Variants in HPD observed in about 807,000 individuals in gnomAD.
HPD encodes 4-hydroxyphenylpyruvate dioxygenase, also known as 4-hydroxyphenylpyruvic acid oxidase.
In HPD, 35 loss-of-function variants were observed where a neutral mutation model predicts 56.9. The observed-to-expected ratio is 0.62, with a 90% CI of 0.47 to 0.82. The LOEUF is 0.82. Among genes scored for constraint, HPD ranks in the 40% least tolerant of loss-of-function variants. The pLI is 0.00. For synonymous variants in HPD, 186 were observed against 200.2 expected (o/e 0.93, Z 0.60); for missense variants, 442 against 506.8 (o/e 0.87, Z 1.23).
At chr12:121,884,787 T>G in the HPD span, among the ~76,000 whole-genome samples, 2 of 152,274 alleles carry the variant, frequency 1.3e-5, no homozygotes, top group South Asian at 4.1e-4. Flanking sequence ...ATTATTTACA[T>G]TTTGTAAATG....
intron 8 of HPD, 123 bp from the exon 9 acceptor site, chr12:121,849,199 G>T: frequency 1.5e-6 from 1 of 679,902 alleles, no homozygotes; most frequent in South Asian, 1.6e-5. Flanking sequence ...TTTTTGTAGA[G>T]ATGGAGTCTC....
chr12:121,885,134 A>AC, the HPD span, among the ~76,000 whole-genome samples: 1 of 150,180 alleles, frequency 6.7e-6, no homozygotes, highest in African/African-American at 2.5e-5. Context: ...CAAGTGATCC[A>AC]CCCCCCTCAG....
At chr12:121,843,885 T>C (rs1592915954) in intron 11 of HPD, 53 bp from the exon 12 acceptor site, 6 of 1,610,968 alleles carry the variant, frequency 3.7e-6, no homozygotes, top group Non-Finnish European at 5.1e-6. Context: ...TCAACTCCCC[T>C]AGCCAGGTGG....
chr12:121,862,078 A>T (rs762887593), upstream of HPD, among the ~76,000 whole-genome samples: 3 of 152,180 alleles, frequency 2.0e-5, no homozygotes, highest in Non-Finnish European at 4.4e-5. Flanking sequence ...GTCAGCATGA[A>T]TTCTGCCAAA....
At chr12:121,871,707 C>A in the HPD span, among the ~76,000 whole-genome samples, 1 of 152,146 alleles carries the variant, frequency 6.6e-6, no homozygotes, top group Non-Finnish European at 1.5e-5. Flanking sequence ...CACCAGGCAC[C>A]AGTGATGGCT....
chr12:121,882,610 A>G, the HPD span, among the ~76,000 whole-genome samples: 1 of 152,220 alleles, frequency 6.6e-6, no homozygotes, highest in African/African-American at 2.4e-5. Flanking sequence ...TCTCCAGTGC[A>G]TGGGACAGAC....
Position 121,843,796 on chromosome 12 carries a change from AT to A in HPD, c.867del (p.Leu289PhefsTer15), listed in dbSNP as rs1877485475. ...RHLRERGLEF[L>X]SVPSTYYKQL... ...TGTTTGTAGTACGTGGAGGGAACAG[AT>A]AAGAACTCCAGGCCTCTCTCTCTCA... On this transcript the variant is annotated frameshift_variant, in exon 12 of 14. Transcript: ENST00000289004. LOFTEE classifies it high-confidence loss of function. 1 of 1,613,920 alleles carries A rather than the reference AT, an allele frequency of 6.2e-7. No homozygotes were observed. The highest frequency in any genetic ancestry group is 8.5e-7 in the Non-Finnish European group (1 of 1,179,988).
chr12:121,851,580 G>T (rs1877774285), intron 7 of HPD, among the ~76,000 whole-genome samples: 1 of 151,478 alleles, frequency 6.6e-6, no homozygotes, highest in East Asian at 1.9e-4. Flanking sequence ...CTGAACTCAG[G>T]TGATCCACCT....
intron 7 of HPD, among the ~76,000 whole-genome samples, chr12:121,850,470 A>ACC (rs1417701607): frequency 9.1e-6 from 1 of 109,820 alleles, no homozygotes; most frequent in African/African-American, 3.1e-5. Context: ...CACTTTAACC[A>ACC]TCTTTTTTTT....
chr12:121,846,950 A>C lies in HPD; in HGVS notation c.760-17T>G. 6.2e-7 allele frequency: 1 copy of C among 1,613,736 alleles called. No homozygotes were observed. Among genetic ancestry groups the C allele is most frequent in the African/African-American group, 1.3e-5 (1 of 74,844 alleles). Reference sequence around the variant, plus strand: ...CACATATTCCTGGGGGAGGGAAACAAGGAGACCACTGTCATTTGCCCCATC... The same window carrying C: ...CACATATTCCTGGGGGAGGGAAACACGGAGACCACTGTCATTTGCCCCATC... On this transcript the variant is annotated splice_polypyrimidine_tract_variant and intron_variant, in intron 10 of 13. Transcript: ENST00000289004.
intron 11 of HPD, among the ~76,000 whole-genome samples, chr12:121,844,061 T>C (rs1274068042): frequency 1.3e-5 from 2 of 152,148 alleles, no homozygotes; most frequent in Non-Finnish European, 1.5e-5. Flanking sequence ...CTTTCTTTTT[T>C]TCTTTTTTTT....
upstream of HPD, among the ~76,000 whole-genome samples, chr12:121,868,396 T>C (rs567366358): frequency 6.6e-6 from 1 of 152,234 alleles, no homozygotes; most frequent in South Asian, 2.1e-4. Context: ...CAGGCTGGAG[T>C]GCAGTGGCGC....
At chr12:121,883,842 C>A in the HPD span, among the ~76,000 whole-genome samples, 1 of 152,050 alleles carries the variant, frequency 6.6e-6, no homozygotes, top group Non-Finnish European at 1.5e-5. Context: ...ATATACTCTT[C>A]ATGTGGATTT....
chr12:121,875,256 GA>G, the HPD span, among the ~76,000 whole-genome samples: 2 of 152,044 alleles, frequency 1.3e-5, no homozygotes, highest in Non-Finnish European at 2.9e-5. Flanking sequence ...GTCAATGAGG[GA>G]AAAAACAGAC....
At chr12:121,856,691 GC>G (rs1878014610) in intron 4 of HPD, 66 bp from the exon 5 acceptor site, 2 of 1,477,236 alleles carry the variant, frequency 1.4e-6, no homozygotes, top group African/African-American at 2.8e-5. Context: ...GCACCCATCG[GC>G]CCCTCCCTGC....
rs1321752838 is a variant in HPD at position 121,839,533 on chromosome 12, C to A, written c.*195G>T. On this transcript the variant is annotated 3_prime_UTR_variant, in exon 14 of 14. Coordinates refer to ENST00000289004, the MANE Select transcript of HPD (RefSeq NM_002150.3). ...CACAAACACAGACACAGTATTGGAC[C>A]GGGGCACGCTTTAATCGGGAGGGCT... The A allele has an allele frequency of 4.8e-6, 3 of 622,684 alleles. No homozygotes were observed. The highest frequency in any genetic ancestry group is 1.8e-5 in the African/African-American group (1 of 54,716). 38.6% of individuals were successfully genotyped at this position (622,684 alleles called of 1,614,324 possible).
Position 121,846,927 on chromosome 12 carries a change from C to T in HPD, c.766G>A (p.Val256Met), listed in dbSNP as rs754836496. The T allele has an allele frequency of 4.3e-6, 7 of 1,614,126 alleles. No individual in the cohort carries two copies. The highest frequency in any genetic ancestry group is 5.9e-6 in the Non-Finnish European group (7 of 1,179,996). ...GKKKSQIQEY[V>M]DYNGGAGVQH... Reference sequence around the variant, plus strand: ...ACCCCAGCGCCCCCGTTATAGTCCACATATTCCTGGGGGAGGGAAACAAGG... The same window carrying T: ...ACCCCAGCGCCCCCGTTATAGTCCATATATTCCTGGGGGAGGGAAACAAGG... The change falls in exon 11 of 14, where the codon GTG becomes ATG. Residue 256 changes from valine (V) to methionine (M), a missense_variant. By Grantham distance (21) the Val-to-Met change is conservative. Coordinates refer to ENST00000289004, the MANE Select transcript of HPD (RefSeq NM_002150.3).
At chr12:121,876,396 T>C in the HPD span, among the ~76,000 whole-genome samples, 1 of 152,160 alleles carries the variant, frequency 6.6e-6, no homozygotes, top group African/African-American at 2.4e-5. Context: ...ACTTCCCTGC[T>C]TTCGTTGCCT....
At chr12:121,843,930 C>T (rs1395887370) in intron 11 of HPD, 98 bp from the exon 12 acceptor site, 3 of 1,426,264 alleles carry the variant, frequency 2.1e-6, no homozygotes. Flanking sequence ...GGTCCCTATC[C>T]TAGCTCCCCT....
Sources: allele counts gnomAD v4.1 joint callset (sites outside exome capture counted in the v4.1 genomes callset), GRCh38; gene constraint gnomAD v4.1.1; transcripts MANE v1.5; gene names NCBI Gene and HGNC (gene_info 2026-07-23, HGNC 2026-07-21).